VAV3: variants seen among roughly 807,000 people sequenced by gnomAD.
VAV3 encodes vav guanine nucleotide exchange factor 3.
A neutral mutation model predicts 131.2 loss-of-function variants in VAV3; 94 were observed. The ratio of observed to expected loss-of-function variants is 0.72; its 90% CI spans 0.61 to 0.85. VAV3 has a LOEUF of 0.85. VAV3 is among the 40% of genes least tolerant of loss of function. The pLI, the probability that VAV3 is intolerant of heterozygous loss-of-function variation, is 0.00. For synonymous variants in VAV3, 349 were observed against 342.0 expected (o/e 1.02, Z -0.22); for missense variants, 939 against 1,002.7 (o/e 0.94, Z 0.86).
intron 25 of VAV3, among the ~76,000 whole-genome samples, chr1:107,584,634 A>C (rs1650347473): frequency 6.6e-6 from 1 of 152,230 alleles, no homozygotes; most frequent in South Asian, 2.1e-4. Context: ...AATTTCATTT[A>C]ATTGAATGCT....
intron 15 of VAV3, among the ~76,000 whole-genome samples, chr1:107,741,118 C>T (rs779037106): frequency 5.9e-5 from 9 of 152,130 alleles, no homozygotes; most frequent in Non-Finnish European, 8.8e-5. Context: ...TTTAGAACTC[C>T]GACAGCTTCA....
At chr1:107,836,041 T>A (rs950420633) in intron 2 of VAV3, among the ~76,000 whole-genome samples, 1 of 152,096 alleles carries the variant, frequency 6.6e-6, no homozygotes, top group African/African-American at 2.4e-5. Context: ...ATAAAACAAG[T>A]TTTTAGAGAC....
chr1:107,637,272 C>A lies in VAV3; in HGVS notation c.1914+5347G>T, dbSNP rs767077632. Among the ~76,000 whole-genome samples the A allele has an allele frequency of 1.3e-5, 2 of 151,790 alleles. 1 individual carries two copies. Among genetic ancestry groups the A allele is most frequent in the Non-Finnish European group, 2.9e-5 (2 of 67,976 alleles). On this transcript the variant is annotated intron_variant, in intron 20 of 26. Transcript: ENST00000370056. ...AAAACCACAATCTACCAAACTCACT[C>A]GAGGAGAAGAAGCAAGTAACCTGAA...
At chr1:107,632,052 C>G (rs1271693965) in intron 20 of VAV3, among the ~76,000 whole-genome samples, 1 of 152,178 alleles carries the variant, frequency 6.6e-6, no homozygotes, top group Non-Finnish European at 1.5e-5. Flanking sequence ...GGAATCACCA[C>G]ACTGACTTCC....
intron 1 of VAV3, among the ~76,000 whole-genome samples, chr1:107,936,023 A>G (rs1428333794): frequency 6.6e-6 from 1 of 152,162 alleles, no homozygotes; most frequent in Non-Finnish European, 1.5e-5. Flanking sequence ...TGGAAACTTT[A>G]CTGAAATTTT....
At chr1:107,958,993 G>A (rs980659852) in intron 1 of VAV3, among the ~76,000 whole-genome samples, 2 of 152,122 alleles carry the variant, frequency 1.3e-5, no homozygotes, top group Non-Finnish European at 2.9e-5. Flanking sequence ...GGGCACAGTG[G>A]CTTACAGCTG....
intron 1 of VAV3, among the ~76,000 whole-genome samples, chr1:107,910,665 T>A (rs1672323364): frequency 2.6e-5 from 4 of 152,200 alleles, no homozygotes; most frequent in Admixed American, 2.6e-4. Context: ...GTTTGAAAAC[T>A]TTAAAATCTC....
At chr1:107,640,737 A>G (rs532245101) in intron 20 of VAV3, among the ~76,000 whole-genome samples, 1 of 152,266 alleles carries the variant, frequency 6.6e-6, no homozygotes, top group Admixed American at 6.5e-5. Flanking sequence ...TGAATAGGAC[A>G]TGGAGTGGTA....
Position 107,571,722 on chromosome 1 carries a change from A to G in VAV3, c.*1609T>C, listed in dbSNP as rs17236120. Reference sequence around the variant, plus strand: ...CATTTACACATATACAAAGACTTAAATGGTTTTAGCAAATAATAATTTTTC... The same window carrying G: ...CATTTACACATATACAAAGACTTAAGTGGTTTTAGCAAATAATAATTTTTC... On this transcript the variant is annotated 3_prime_UTR_variant, in exon 27 of 27. Coordinates refer to ENST00000370056, the MANE Select transcript of VAV3 (RefSeq NM_006113.5). The G allele has an allele frequency of 8.1e-3, 1,245 of 152,808 alleles. 9 individuals carry two copies. The highest frequency in any genetic ancestry group is 0.024 in the Middle Eastern group (7 of 294). The allele number at this position is 152,808 out of a possible 1,614,324, so 9.5% of individuals were successfully genotyped here.
At chr1:107,932,550 C>T (rs1010253073) in intron 1 of VAV3, among the ~76,000 whole-genome samples, 1 of 152,166 alleles carries the variant, frequency 6.6e-6, no homozygotes, top group Non-Finnish European at 1.5e-5. Context: ...TAATAGCCTC[C>T]AAAGATGTCC....
At chr1:107,816,667 C>G (rs1489645272) in intron 2 of VAV3, among the ~76,000 whole-genome samples, 1 of 152,138 alleles carries the variant, frequency 6.6e-6, no homozygotes, top group African/African-American at 2.4e-5. Context: ...AGAACTTTAA[C>G]CTGACAGCTC....
intron 1 of VAV3, among the ~76,000 whole-genome samples, chr1:107,901,781 G>T (rs1191845096): frequency 6.6e-6 from 1 of 152,080 alleles, no homozygotes; most frequent in Non-Finnish European, 1.5e-5. Context: ...GGTGGTTCAC[G>T]CCTGTAATCC....
At chr1:107,779,846 T>C (rs1665590451) in intron 2 of VAV3, among the ~76,000 whole-genome samples, 1 of 152,180 alleles carries the variant, frequency 6.6e-6, no homozygotes, top group Non-Finnish European at 1.5e-5. Context: ...TTCTCCAGTA[T>C]AGTACCCACT....
intron 19 of VAV3, among the ~76,000 whole-genome samples, chr1:107,677,246 A>G (rs1218332243): frequency 2.6e-5 from 4 of 152,190 alleles, no homozygotes; most frequent in Non-Finnish European, 4.4e-5. Flanking sequence ...AAATTATATT[A>G]AGAATTACTT....
intron 19 of VAV3, among the ~76,000 whole-genome samples, chr1:107,681,336 T>A (rs545202907): frequency 6.6e-6 from 1 of 151,436 alleles, no homozygotes; most frequent in South Asian, 2.1e-4. Flanking sequence ...ACTTTACTGA[T>A]CCCTTGTTTA....
chr1:107,830,926 T>G (rs551425207), intron 2 of VAV3, among the ~76,000 whole-genome samples: 1 of 152,358 alleles, frequency 6.6e-6, no homozygotes, highest in East Asian at 1.9e-4. Context: ...AGTTTAAAAC[T>G]AGCTGATTAT....
rs374566306 is a variant in VAV3, at chr1:107,891,787, G to A, written c.205-16770C>T. On this transcript the variant is annotated intron_variant, in intron 1 of 26. Transcript: ENST00000370056. ...CCGGGAGGCAGAGGTTGCAGTGTGC[G>A]GAGACCGCGCCATTGCAGTCCAGCC... Among the ~76,000 whole-genome samples, 27 of 148,790 alleles carry A rather than the reference G, an allele frequency of 1.8e-4. No individual in the cohort carries two copies. In the East Asian group the frequency reaches 4.1e-3, roughly 23 times the overall value.
intron 23 of VAV3, 25 bp downstream of exon 23, chr1:107,603,022 C>T (rs761757998): frequency 6.4e-7 from 1 of 1,571,126 alleles, no homozygotes; most frequent in South Asian, 1.1e-5. Context: ...AAATCTATTT[C>T]TGTAAAAGTA....
intron 2 of VAV3, among the ~76,000 whole-genome samples, chr1:107,839,602 G>C (rs1668607966): frequency 6.6e-6 from 1 of 151,898 alleles, no homozygotes; most frequent in Non-Finnish European, 1.5e-5. Context: ...ATAATCTAAA[G>C]CTTCCACCCT....
Sources: gnomAD v4.1 joint callset for allele counts (sites outside exome capture counted in the v4.1 genomes callset) on GRCh38, gnomAD v4.1.1 for gene constraint, MANE v1.5 for transcripts, NCBI Gene and HGNC (gene_info 2026-07-23, HGNC 2026-07-21) for gene names.